The following RADX variants were observed in gnomAD, a reference collection of about 807,000 sequenced individuals.
RADX encodes RPA-related protein RADX.
Under a neutral mutation model 61.6 loss-of-function variants are expected in RADX, and 36 were observed. That is an observed-to-expected ratio of 0.58 (90% CI 0.45 to 0.77). RADX has a LOEUF of 0.77. RADX is among the 30% of genes least tolerant of loss of function. The pLI, the probability that RADX is intolerant of heterozygous loss-of-function variation, is 0.00. For missense variants in RADX, 497 were observed against 651.1 expected, an observed-to-expected ratio of 0.76 and a Z score of 2.58; for synonymous variants, 272 against 237.9, an observed-to-expected ratio of 1.14 and a Z score of -1.32.
chrX:106,662,972 T>A (rs1201499558), intron 12 of RADX, among the ~76,000 whole-genome samples: 1 of 109,899 alleles, frequency 9.1e-6, no homozygotes, highest in Non-Finnish European at 1.9e-5. Context: ...CACAAAAAAA[T>A]TCTAAAACAA....
intron 1 of RADX, among the ~76,000 whole-genome samples, chrX:106,617,736 T>C (rs1019918353): frequency 2.7e-5 from 3 of 111,771 alleles, no homozygotes; most frequent in African/African-American, 9.8e-5. Flanking sequence ...TAGGCATGCA[T>C]ATCACCTCAA....
chrX:106,623,697 C>T (rs1390060514), intron 2 of RADX, among the ~76,000 whole-genome samples: 1 of 110,729 alleles, frequency 9.0e-6, no homozygotes, highest in Non-Finnish European at 1.9e-5. Flanking sequence ...TTATATATTT[C>T]ATGTGAGTGT....
At chrX:106,628,666 C>T (rs1242743013) in intron 3 of RADX, among the ~76,000 whole-genome samples, 3 of 99,390 alleles carry the variant, frequency 3.0e-5, no homozygotes, top group Admixed American at 2.2e-4. Flanking sequence ...TTTTTTGATA[C>T]GGAGTCTTGC....
At chrX:106,662,636 T>G (rs1252563800) in intron 12 of RADX, among the ~76,000 whole-genome samples, 1 of 108,068 alleles carries the variant, frequency 9.3e-6, no homozygotes, top group Non-Finnish European at 1.9e-5. Context: ...TCTCTGCTTC[T>G]TCATTCATCG....
At chrX:106,642,137 G>GTA (rs35763563) in intron 10 of RADX, among the ~76,000 whole-genome samples, 5,172 of 109,961 alleles carry the variant, frequency 0.047, 122 homozygotes, top group Non-Finnish European at 0.07. Context: ...CATTTAGTAG[G>GTA]TATATATATA....
chrX:106,661,109 C>G (rs904956122), intron 11 of RADX, among the ~76,000 whole-genome samples: 5 of 111,187 alleles, frequency 4.5e-5, no homozygotes, highest in African/African-American at 1.6e-4. Context: ...TCCCTCAACA[C>G]CTGGGGACTC....
intron 11 of RADX, among the ~76,000 whole-genome samples, chrX:106,649,527 C>G (rs1927744395): frequency 8.9e-6 from 1 of 111,822 alleles, no homozygotes; most frequent in South Asian, 3.7e-4. Flanking sequence ...TAATATGGTA[C>G]TTCTCACAAT....
rs1395359103 is a variant in RADX, at chrX:106,612,468, A to G, written c.388A>G (p.Arg130Gly). Residue 130 changes from arginine (R) to glycine (G), a missense_variant, in exon 1 of 14, where the codon AGA becomes GGA. Physicochemically the swap from Arg to Gly is moderately radical, Grantham distance 125. This residue lies in a region of RADX where 196 missense variants were observed against 315.0 expected (regional missense o/e 0.62). Transcript: ENST00000372548. ...TATTCTTAAAGTTGGCATTCAAATG[A>G]GAATTTCCAGGGTCTCATGTCTTTA... ...QNILKVGIQMRISRVSCLYNE... is the reference protein window; with the variant it reads ...QNILKVGIQMGISRVSCLYNE... 8.3e-7 allele frequency: 1 copy of G among 1,210,058 alleles called. No homozygotes were observed. The highest frequency in any genetic ancestry group is 1.7e-5 in the African/African-American group (1 of 57,164).
Position 106,637,745 on chromosome X carries a change from C to T in RADX, c.1409-15C>T. The stretch of plus-strand genomic sequence containing the variant: ...TTATTTCTCATTTTTTATGATTTAC[C>T]CTTCCCGCGAGGAGGTCATAGAGGC... On this transcript the variant is annotated splice_polypyrimidine_tract_variant and intron_variant, in intron 7 of 13. Transcript: ENST00000372548. 1.8e-6 allele frequency: 2 copies of T among 1,121,017 alleles called. No individual in the cohort carries two copies. The highest frequency in any genetic ancestry group is 3.2e-5 in the East Asian group (1 of 31,451). The allele number at this position is 1,121,017 out of a possible 1,213,427, so 92.4% of individuals were successfully genotyped here.
chrX:106,640,627 G>C lies in RADX; in HGVS notation c.1810G>C (p.Asp604His), dbSNP rs1310362627. The C allele has an allele frequency of 2.5e-6, 3 of 1,195,043 alleles. No homozygotes were observed. In the African/African-American group the frequency reaches 5.2e-5, roughly 21 times the overall value. ...AAGAAATGGTAAACGGCATCAAGAT[G>C]ATGAGCCTGTGAATTCTCAGTATTT... ...QERNGKRHQD[D>H]EPVNSQYFQT... is the part of the protein sequence containing the mutation. The change falls in exon 10 of 14, where the codon GAT (aspartate) becomes CAT (histidine). Residue 604 changes from aspartate to histidine, a missense_variant. Around this residue, in one of 3 missense-constraint regions of RADX, gnomAD observed 267 missense variants for 306.9 expected, o/e 0.87. Coordinates refer to ENST00000372548, the MANE Select transcript of RADX (RefSeq NM_018015.6).
intron 4 of RADX, 53 bp downstream of exon 4, chrX:106,632,786 CT>C: frequency 1.0e-6 from 1 of 981,447 alleles, no homozygotes; most frequent in Non-Finnish European, 1.4e-6. Flanking sequence ...GTCTTGGTTA[CT>C]GAAAAACAAT....
At chrX:106,667,375 G>GGTA (rs749940281) in intron 12 of RADX, among the ~76,000 whole-genome samples, 178 of 111,263 alleles carry the variant, frequency 1.6e-3, no homozygotes, top group African/African-American at 5.6e-3. Flanking sequence ...GGAGTACAGT[G>GGTA]CTACAATCTT....
chrX:106,629,771 C>CAT (rs1191356930), intron 3 of RADX, among the ~76,000 whole-genome samples: 2 of 110,279 alleles, frequency 1.8e-5, no homozygotes, highest in African/African-American at 6.6e-5. Context: ...AATATATAAA[C>CAT]ATATATATAG....
At chrX:106,624,264 G>A (rs1236036977) in intron 2 of RADX, among the ~76,000 whole-genome samples, 2 of 110,947 alleles carry the variant, frequency 1.8e-5, no homozygotes, top group Non-Finnish European at 3.8e-5. Context: ...TGCTACTCAG[G>A]ACCCCACTAT....
chrX:106,678,872 T>C lies in RADX; in HGVS notation c.*614T>C, dbSNP rs1928576980. ...ATTTTGTGACTTTGTGTGGTTCGAATTTCTCAGTATTTTAACCAGTGTGTT... is the reference window on the plus strand; with the variant it reads ...ATTTTGTGACTTTGTGTGGTTCGAACTTCTCAGTATTTTAACCAGTGTGTT... On this transcript the variant is annotated 3_prime_UTR_variant, in exon 14 of 14. Coordinates refer to ENST00000372548, the MANE Select transcript of RADX (RefSeq NM_018015.6). 1 of 112,369 alleles carries C rather than the reference T, an allele frequency of 8.9e-6. No individual in the cohort carries two copies. 9.3% of individuals were successfully genotyped at this position (112,369 alleles called of 1,213,427 possible). A position where few individuals can be genotyped will look rare whatever the true frequency, so the allele number is the denominator to read the frequency against.
chrX:106,657,519 G>T (rs1316870412), intron 11 of RADX, among the ~76,000 whole-genome samples: 1 of 112,127 alleles, frequency 8.9e-6, no homozygotes, highest in East Asian at 2.8e-4. Context: ...AGCCTATCTT[G>T]TTTTTTAACA....
At chrX:106,674,822 G>A (rs1397881026) in intron 13 of RADX, among the ~76,000 whole-genome samples, 2 of 111,136 alleles carry the variant, frequency 1.8e-5, no homozygotes, top group East Asian at 2.8e-4. Flanking sequence ...TTAAGAGATC[G>A]AGACCATCCT....
intron 11 of RADX, among the ~76,000 whole-genome samples, chrX:106,660,095 T>G (rs1265423215): frequency 1.8e-5 from 2 of 112,045 alleles, no homozygotes; most frequent in African/African-American, 6.5e-5. Context: ...TTATGTACTT[T>G]TATTAGTTTG....
intron 11 of RADX, among the ~76,000 whole-genome samples, chrX:106,659,539 T>A (rs1260101312): frequency 1.8e-5 from 2 of 111,844 alleles, no homozygotes; most frequent in African/African-American, 6.5e-5. Flanking sequence ...AGCTATGCAT[T>A]AAGCTTAAAA....
Sources: allele counts gnomAD v4.1 joint callset (sites outside exome capture counted in the v4.1 genomes callset), GRCh38; gene constraint gnomAD v4.1.1; regional missense constraint gnomAD v4.1.1; transcripts MANE v1.5; gene names NCBI Gene and HGNC (gene_info 2026-07-23, HGNC 2026-07-21).